DIAPH3: variants seen among roughly 807,000 people sequenced by gnomAD.
The protein encoded by DIAPH3 is protein diaphanous homolog 3.
DIAPH3 carries 117 observed loss-of-function variants against 144.3 expected under a neutral mutation model. The ratio of observed to expected loss-of-function variants is 0.81; its 90% CI spans 0.70 to 0.95. The LOEUF (loss-of-function observed/expected upper bound fraction) is 0.95, where lower values mean the gene tolerates loss of function less well. Among genes scored for constraint, DIAPH3 ranks in the 40% least tolerant of loss-of-function variants. The pLI is 0.00. For synonymous variants in DIAPH3, 519 were observed against 488.9 expected (o/e 1.06, Z -0.81); for missense variants, 1,421 against 1,412.7 (o/e 1.01, Z -0.09).
At chr13:60,101,227 A>G (rs1022738324) in intron 3 of DIAPH3, among the ~76,000 whole-genome samples, 2 of 152,188 alleles carry the variant, frequency 1.3e-5, no homozygotes, top group African/African-American at 4.8e-5. Context: ...TAAGTTGACC[A>G]TGGTTCTTTA....
chr13:59,888,850 G>A (rs2140111261), intron 20 of DIAPH3, among the ~76,000 whole-genome samples: 1 of 151,892 alleles, frequency 6.6e-6, no homozygotes, highest in African/African-American at 2.4e-5. Context: ...ACATCCATTA[G>A]ATAGAGAATT....
chr13:59,842,888 A>G (rs1240893766), intron 22 of DIAPH3, among the ~76,000 whole-genome samples: 3 of 152,154 alleles, frequency 2.0e-5, no homozygotes, highest in Non-Finnish European at 4.4e-5. Context: ...CTCCAAGCAC[A>G]TCCATGTGTT....
chr13:59,960,467 T>C (rs552665041), intron 17 of DIAPH3, among the ~76,000 whole-genome samples: 9 of 152,150 alleles, frequency 5.9e-5, no homozygotes, highest in Admixed American at 1.3e-4. Context: ...TAGCAATCTA[T>C]GAAACTAAAA....
At position 59,890,472 on chromosome 13, in the gene DIAPH3, G is replaced by A. The variant is rs138570392; in HGVS notation, c.2368-11004C>T. Among the ~76,000 whole-genome samples, 593 of 151,828 alleles carry A rather than the reference G, an allele frequency of 3.9e-3. 3 individuals are homozygous for A. The highest frequency in any genetic ancestry group is 0.013 in the African/African-American group (523 of 41,404). ...GGATATTTTGTCCAGTTTTATCACC[G>A]TTAGCAGTTTATATATGTTTTGTTA... is the stretch of plus-strand genomic sequence containing the variant. On this transcript the variant is annotated intron_variant, in intron 20 of 27. Transcript: ENST00000400324.
chr13:59,764,786 A>G (rs954803749), intron 27 of DIAPH3, among the ~76,000 whole-genome samples: 5 of 152,036 alleles, frequency 3.3e-5, no homozygotes, highest in African/African-American at 1.2e-4. Context: ...ATTCTCCCAC[A>G]GAGCTGCCAG....
chr13:59,721,455 G>A (rs10507635), intron 27 of DIAPH3, among the ~76,000 whole-genome samples: 6,494 of 152,174 alleles, frequency 0.043, 233 homozygotes, highest in Admixed American at 0.11. Context: ...AGGAAGAACC[G>A]TATTTCAGTA....
chr13:59,676,016 A>G (rs985610219), intron 27 of DIAPH3, among the ~76,000 whole-genome samples: 1 of 152,330 alleles, frequency 6.6e-6, no homozygotes, highest in Non-Finnish European at 1.5e-5. Context: ...GCTTTTAAGT[A>G]TATTTCCTTA....
At chr13:59,848,330 T>C (rs1043213474) in intron 22 of DIAPH3, among the ~76,000 whole-genome samples, 4 of 114,620 alleles carry the variant, frequency 3.5e-5, no homozygotes, top group African/African-American at 1.1e-4. Flanking sequence ...TTTTTAATTA[T>C]TATACTTTAA....
chr13:59,669,795 T>C (rs1358023818), intron 27 of DIAPH3, among the ~76,000 whole-genome samples: 1 of 152,140 alleles, frequency 6.6e-6, no homozygotes, highest in Non-Finnish European at 1.5e-5. Flanking sequence ...TATAGTAAAA[T>C]ACCTTGAAAG....
intron 22 of DIAPH3, among the ~76,000 whole-genome samples, chr13:59,854,468 T>C (rs1476295619): frequency 6.6e-6 from 1 of 152,166 alleles, no homozygotes; most frequent in Non-Finnish European, 1.5e-5. Flanking sequence ...TCCATACCTC[T>C]TCCCCCAATT....
At chr13:59,987,851 C>A (rs1349336910) in intron 12 of DIAPH3, among the ~76,000 whole-genome samples, 2 of 150,604 alleles carry the variant, frequency 1.3e-5, no homozygotes, top group Non-Finnish European at 3.0e-5. Context: ...GTAAATAAAA[C>A]AGATAAAAGA....
chr13:60,007,209 G>A (rs1208126656), intron 9 of DIAPH3, among the ~76,000 whole-genome samples: 2 of 151,924 alleles, frequency 1.3e-5, no homozygotes, highest in African/African-American at 2.4e-5. Flanking sequence ...CTGCCATCAT[G>A]CCCGGCTAAT....
intron 15 of DIAPH3, among the ~76,000 whole-genome samples, chr13:59,973,094 G>C (rs2050481602): frequency 6.6e-6 from 1 of 152,096 alleles, no homozygotes; most frequent in Non-Finnish European, 1.5e-5. Context: ...GGTCATCACT[G>C]TATACAATTT....
At chr13:60,091,581 C>T (rs1410903394) in intron 4 of DIAPH3, among the ~76,000 whole-genome samples, 1 of 152,012 alleles carries the variant, frequency 6.6e-6, no homozygotes, top group East Asian at 1.9e-4. Flanking sequence ...AGCCACCACA[C>T]CTGGCCTTAT....
At chr13:59,691,511 A>G (rs1410225560) in intron 27 of DIAPH3, among the ~76,000 whole-genome samples, 1 of 152,204 alleles carries the variant, frequency 6.6e-6, no homozygotes, top group African/African-American at 2.4e-5. Context: ...TGTTAAATTA[A>G]TATGCTTTAT....
intron 27 of DIAPH3, among the ~76,000 whole-genome samples, chr13:59,763,897 T>C (rs17057191): frequency 0.043 from 6,499 of 152,154 alleles, 236 homozygotes; most frequent in South Asian, 0.11. Flanking sequence ...AGTAAGTTGG[T>C]TAACTAATGG....
intron 20 of DIAPH3, among the ~76,000 whole-genome samples, chr13:59,902,530 T>C (rs2046497145): frequency 6.6e-6 from 1 of 152,142 alleles, no homozygotes; most frequent in African/African-American, 2.4e-5. Flanking sequence ...TCCTAGCACT[T>C]TGGGAGGCCA....
rs74084489 is a variant in DIAPH3, at chr13:59,976,577, T to A, written c.1546-2121A>T. On this transcript the variant is annotated intron_variant, in intron 14 of 27. Coordinates refer to ENST00000400324, the MANE Select transcript of DIAPH3 (RefSeq NM_001042517.2). ...CCTCCATATTCAACCTCTTTTCCTG[T>A]ATGTTCCATTACAACACACACTTCT... is the stretch of plus-strand genomic sequence containing the variant. Among the ~76,000 whole-genome samples the A allele has an allele frequency of 9.2e-3, 1,391 of 151,936 alleles. 24 individuals are homozygous for A. Among genetic ancestry groups the A allele is most frequent in the African/African-American group, 0.032 (1,317 of 41,482 alleles).
rs1473007769 is a variant in DIAPH3 at position 59,728,048 on chromosome 13, A to G, written c.3319+46141T>C. Among the ~76,000 whole-genome samples the G allele has an allele frequency of 2.1e-5, 3 of 140,800 alleles. No homozygotes were observed. The East Asian group carries it at 6.3e-4, about 30-fold the overall frequency. The allele number at this position is 140,800 out of a possible 152,430, so 92.4% of individuals were successfully genotyped here. A position where few individuals can be genotyped will look rare whatever the true frequency, so the allele number is the denominator to read the frequency against. On this transcript the variant is annotated intron_variant, in intron 27 of 27. Coordinates refer to ENST00000400324, the MANE Select transcript of DIAPH3 (RefSeq NM_001042517.2). The stretch of plus-strand genomic sequence containing the variant: ...GAAACTTAAAGAAAGTCCTTACTAG[A>G]CCAGTCTGACAGGGCATCAAAAAAA...
Sources: gnomAD v4.1 joint callset for allele counts (sites outside exome capture counted in the v4.1 genomes callset) on GRCh38, gnomAD v4.1.1 for gene constraint, MANE v1.5 for transcripts, NCBI Gene and HGNC (gene_info 2026-07-23, HGNC 2026-07-21) for gene names.